CHLSN: variants seen among roughly 807,000 people sequenced by gnomAD.
CHLSN encodes cholesin.
the CHLSN span, chr7:986,490 G>T: frequency 7.6e-6 from 8 of 1,051,208 alleles, no homozygotes; most frequent in Admixed American, 1.8e-4. Flanking sequence ...GGGTCCCCCC[G>T]TTCTGTGGCC....
chr7:1,134,274 T>TTAAA, the CHLSN span, among the ~76,000 whole-genome samples: 2 of 151,214 alleles, frequency 1.3e-5, no homozygotes, highest in African/African-American at 4.9e-5. Flanking sequence ...GACTGTCTCT[T>TTAAA]AAAAGGGTGG....
At chr7:1,102,684 C>T in the CHLSN span, among the ~76,000 whole-genome samples, 2 of 152,188 alleles carry the variant, frequency 1.3e-5, no homozygotes, top group African/African-American at 4.8e-5. Context: ...GAACAGGTGA[C>T]CCACTGAACT....
chr7:1,085,179 T>C, the CHLSN span, among the ~76,000 whole-genome samples: 4 of 152,264 alleles, frequency 2.6e-5, no homozygotes, highest in African/African-American at 7.2e-5. Context: ...TATTTGGCTA[T>C]GTGTGCATTT....
the CHLSN span, among the ~76,000 whole-genome samples, chr7:1,042,934 G>A: frequency 6.6e-6 from 1 of 152,090 alleles, no homozygotes; most frequent in Non-Finnish European, 1.5e-5. Flanking sequence ...CCTGGGCTAA[G>A]TTGCTTAAGT....
the CHLSN span, among the ~76,000 whole-genome samples, chr7:1,062,553 C>A: frequency 1.3e-5 from 2 of 152,310 alleles, no homozygotes; most frequent in African/African-American, 4.8e-5. Context: ...AAGGAGTAAG[C>A]CACGCGGGCT....
chr7:1,126,714 A>C, the CHLSN span, among the ~76,000 whole-genome samples: 17 of 152,216 alleles, frequency 1.1e-4, no homozygotes, highest in South Asian at 2.1e-4. Flanking sequence ...CTTTAGGAGA[A>C]GATGGCTCAC....
At chr7:1,009,040 TGCACACACGTACACGTGCAC>T in the CHLSN span, among the ~76,000 whole-genome samples, 2 of 72,688 alleles carry the variant, frequency 2.8e-5, no homozygotes, top group East Asian at 5.0e-4. Flanking sequence ...CGTACACACA[TGCACACACGTACACGTGCAC>T]GTGCACGCAG....
the CHLSN span, among the ~76,000 whole-genome samples, chr7:1,113,940 G>C: frequency 6.6e-6 from 1 of 152,220 alleles, no homozygotes; most frequent in South Asian, 2.1e-4. Flanking sequence ...GGAGAGGCCC[G>C]AGCTCAGAAA....
At chr7:1,117,118 G>A in the CHLSN span, among the ~76,000 whole-genome samples, 1 of 105,414 alleles carries the variant, frequency 9.5e-6, no homozygotes, top group Non-Finnish European at 1.8e-5. Flanking sequence ...CGACGCCCAC[G>A]CAGGATGATG....
chr7:1,090,284 G>A, the CHLSN span, among the ~76,000 whole-genome samples: 1 of 152,200 alleles, frequency 6.6e-6, no homozygotes, highest in Non-Finnish European at 1.5e-5. Context: ...ACCCCCCTGT[G>A]ACTGCCCCCG....
chr7:1,026,563 C>T, the CHLSN span: 1 of 152,256 alleles, frequency 6.6e-6, no homozygotes, highest in African/African-American at 2.4e-5. Flanking sequence ...CAAGGACGGC[C>T]AACCACACAA....
the CHLSN span, among the ~76,000 whole-genome samples, chr7:1,098,176 T>C: frequency 6.6e-6 from 1 of 151,952 alleles, no homozygotes; most frequent in African/African-American, 2.4e-5. Context: ...ACTGTGCGAG[T>C]CACCCCCAAG....
At chr7:1,048,438 TCA>T in the CHLSN span, among the ~76,000 whole-genome samples, 1 of 151,964 alleles carries the variant, frequency 6.6e-6, no homozygotes, top group African/African-American at 2.4e-5. Flanking sequence ...TCTCTCTCTC[TCA>T]CACACACATA....
At chr7:979,781 C>T in the CHLSN span, among the ~76,000 whole-genome samples, 2 of 152,026 alleles carry the variant, frequency 1.3e-5, no homozygotes, top group African/African-American at 2.4e-5. Flanking sequence ...TGGGCACCTG[C>T]GCCATGCCTG....
chr7:1,052,350 T>C, the CHLSN span, among the ~76,000 whole-genome samples: 1 of 152,200 alleles, frequency 6.6e-6, no homozygotes, highest in East Asian at 1.9e-4. This position sits in a 1 kb window ranked among gnomAD's most constrained non-coding sequence, Gnocchi z 4.2. Context: ...GGGGAGGGCC[T>C]TGGGGCTGCT....
chr7:1,067,719 G>A, the CHLSN span, among the ~76,000 whole-genome samples: 1 of 135,430 alleles, frequency 7.4e-6, no homozygotes, highest in Admixed American at 7.0e-5. Flanking sequence ...CCAGAGGTGA[G>A]GGTTTGGGGC....
the CHLSN span, among the ~76,000 whole-genome samples, chr7:1,050,870 C>T: frequency 6.6e-6 from 1 of 152,204 alleles, no homozygotes; most frequent in African/African-American, 2.4e-5. Context: ...GCTTGACGCG[C>T]AGGGGGTCTC....
the CHLSN span, among the ~76,000 whole-genome samples, chr7:1,065,243 C>G: frequency 6.6e-6 from 1 of 152,114 alleles, no homozygotes; most frequent in East Asian, 1.9e-4. Context: ...GAAGGTAAAA[C>G]GTACCCCACT....
the CHLSN span, among the ~76,000 whole-genome samples, chr7:1,097,346 C>T: frequency 1.3e-5 from 2 of 152,124 alleles, no homozygotes; most frequent in African/African-American, 4.8e-5. This position sits in a 1 kb window ranked among gnomAD's most constrained non-coding sequence, Gnocchi z 4.3. Flanking sequence ...AAGAGCACGT[C>T]GGGTGACACC....
Sources: gnomAD v4.1 joint callset for allele counts (sites outside exome capture counted in the v4.1 genomes callset) on GRCh38, gnomAD v4.1.1 for gene constraint, Gnocchi (gnomAD v3.1) non-coding constraint, MANE v1.5 for transcripts, NCBI Gene and HGNC (gene_info 2026-07-23, HGNC 2026-07-21) for gene names.